THSD7A: variants seen among roughly 807,000 people sequenced by gnomAD.
THSD7A encodes the protein thrombospondin type 1 domain containing 7A, also known as thrombospondin type-1 domain-containing protein 7A.
In THSD7A, 96 loss-of-function variants were observed where a neutral mutation model predicts 231.3. The observed-to-expected ratio is 0.41, with a 90% CI of 0.35 to 0.49. The LOEUF (loss-of-function observed/expected upper bound fraction) is 0.49, where lower values mean the gene tolerates loss of function less well. THSD7A is among the 20% of genes least tolerant of loss of function. THSD7A has a pLI of 0.05. For synonymous variants in THSD7A, 940 were observed against 743.3 expected (o/e 1.26, Z -4.30); for missense variants, 2,290 against 2,070.2 (o/e 1.11, Z -2.06).
chr7:11,816,680 G>C (rs1784713304), intron 1 of THSD7A, among the ~76,000 whole-genome samples: 1 of 151,900 alleles, frequency 6.6e-6, no homozygotes, highest in South Asian at 2.1e-4. Flanking sequence ...ACATAAGCTT[G>C]GCACAAAACT....
At chr7:11,597,403 T>A (rs368988978) in intron 2 of THSD7A, among the ~76,000 whole-genome samples, 1 of 152,046 alleles carries the variant, frequency 6.6e-6, no homozygotes, top group South Asian at 2.1e-4. Flanking sequence ...CAGTTTTGAG[T>A]GGGGTCCAGA....
intron 2 of THSD7A, among the ~76,000 whole-genome samples, chr7:11,633,486 C>A (rs1212037393): frequency 1.3e-5 from 2 of 152,158 alleles, no homozygotes; most frequent in East Asian, 1.9e-4. Flanking sequence ...TTGACACAGA[C>A]CATGTCATGC....
chr7:11,429,228 A>C, intron 13 of THSD7A, 103 bp from the exon 14 acceptor site: 1 of 1,139,954 alleles, frequency 8.8e-7, no homozygotes, highest in East Asian at 2.6e-5. Context: ...CTGACTTGAC[A>C]GCAGCATGCA....
At chr7:11,670,073 G>C (rs1347888581) in intron 1 of THSD7A, among the ~76,000 whole-genome samples, 2 of 152,080 alleles carry the variant, frequency 1.3e-5, no homozygotes, top group Non-Finnish European at 2.9e-5. Context: ...CATTTAACAG[G>C]CGTGCAAAAA....
chr7:11,461,383 A>G (rs187613133), intron 10 of THSD7A, among the ~76,000 whole-genome samples: 4 of 152,320 alleles, frequency 2.6e-5, no homozygotes, highest in Non-Finnish European at 4.4e-5. Flanking sequence ...TCATTAATTG[A>G]TGCCATAATA....
chr7:11,787,003 C>A (rs796581172), intron 1 of THSD7A, among the ~76,000 whole-genome samples: 9 of 152,052 alleles, frequency 5.9e-5, no homozygotes, highest in African/African-American at 2.2e-4. Flanking sequence ...AAATTAGTTA[C>A]CAACATTTAA....
intron 6 of THSD7A, among the ~76,000 whole-genome samples, chr7:11,533,637 G>T (rs1217416449): frequency 6.6e-6 from 1 of 152,122 alleles, no homozygotes; most frequent in Admixed American, 6.6e-5. Flanking sequence ...AATAAACACA[G>T]GAAGATAAAA....
intron 1 of THSD7A, among the ~76,000 whole-genome samples, chr7:11,752,183 A>G (rs1782526275): frequency 6.6e-6 from 1 of 152,058 alleles, no homozygotes; most frequent in Admixed American, 6.6e-5. Context: ...CTCAGACCAC[A>G]TTCTCAGGAG....
intron 6 of THSD7A, among the ~76,000 whole-genome samples, chr7:11,504,501 G>C (rs1787465551): frequency 1.3e-5 from 2 of 151,948 alleles, no homozygotes; most frequent in African/African-American, 4.8e-5. Flanking sequence ...ATTTTAAAAA[G>C]AATAACTGTC....
rs1210806091 is a variant in THSD7A, at chr7:11,831,684, TA to T, written c.190+72del. On this transcript the variant is annotated intron_variant, in intron 1 of 27. Coordinates refer to ENST00000423059, the MANE Select transcript of THSD7A (RefSeq NM_015204.3). This position sits in a 1 kb window ranked among gnomAD's most constrained non-coding sequence, Gnocchi z 5.0. ...AGCCATCCAAAAGCACCGGGGTCCC[TA>T]CAGAAGCCCACCAGCTCCTTAATGT... The T allele has an allele frequency of 1.7e-6, 2 of 1,184,292 alleles. No homozygotes were observed. Among genetic ancestry groups the T allele is most frequent in the Non-Finnish European group, 2.2e-6 (2 of 920,442 alleles). 73.4% of individuals were successfully genotyped at this position (1,184,292 alleles called of 1,614,324 possible).
chr7:11,461,923 G>A, intron 10 of THSD7A, 88 bp downstream of exon 10: 1 of 1,495,454 alleles, frequency 6.7e-7, no homozygotes, highest in Non-Finnish European at 9.1e-7. Context: ...AAGGAACAGT[G>A]TTGACTTCCT....
intron 1 of THSD7A, among the ~76,000 whole-genome samples, chr7:11,770,613 C>T (rs1300109854): frequency 6.6e-6 from 1 of 152,174 alleles, no homozygotes; most frequent in Admixed American, 6.5e-5. Flanking sequence ...CTCTCTTCTA[C>T]TTCAAGGACT....
At chr7:11,674,663 G>A (rs974433942) in intron 1 of THSD7A, among the ~76,000 whole-genome samples, 13 of 152,066 alleles carry the variant, frequency 8.5e-5, no homozygotes, top group Admixed American at 7.2e-4. Flanking sequence ...ATACTCACAA[G>A]GGAGACAAGA....
intron 1 of THSD7A, among the ~76,000 whole-genome samples, chr7:11,733,756 G>C (rs566038522): frequency 2.6e-5 from 4 of 151,954 alleles, no homozygotes; most frequent in African/African-American, 9.6e-5. Flanking sequence ...CCGAAATTAA[G>C]GTCACAAACA....
rs1031687571 is a variant in THSD7A, at chr7:11,690,994, C to T, written c.191-54033G>A. Among the ~76,000 whole-genome samples the T allele has an allele frequency of 4.0e-5, 6 of 151,762 alleles. No individual in the cohort carries two copies. In the East Asian group the frequency reaches 1.2e-3, roughly 30 times the overall value. On this transcript the variant is annotated intron_variant, in intron 1 of 27. Coordinates refer to ENST00000423059, the MANE Select transcript of THSD7A (RefSeq NM_015204.3). ...TGCTCACTGTTTTTAAAAAAGGCAG[C>T]TGACATTTTCATCATATTTTTGGAA...
At chr7:11,382,924 TTATATA>T (rs140393382) in intron 23 of THSD7A, among the ~76,000 whole-genome samples, 32 of 147,458 alleles carry the variant, frequency 2.2e-4, no homozygotes, top group African/African-American at 7.4e-4. Flanking sequence ...ATATATATAG[TTATATA>T]TATATATATA....
chr7:11,704,304 A>G (rs1429662883), intron 1 of THSD7A, among the ~76,000 whole-genome samples: 1 of 151,116 alleles, frequency 6.6e-6, no homozygotes, highest in Non-Finnish European at 1.5e-5. Flanking sequence ...GATTTAAAAT[A>G]CTATTAAAAC....
chr7:11,451,980 T>A (rs550482051), intron 11 of THSD7A, among the ~76,000 whole-genome samples: 4 of 152,106 alleles, frequency 2.6e-5, no homozygotes, highest in East Asian at 1.9e-4. Context: ...AATGGGCACA[T>A]AGAAGTTCAT....
At chr7:11,539,986 G>C (rs1789074678) in intron 6 of THSD7A, among the ~76,000 whole-genome samples, 1 of 152,320 alleles carries the variant, frequency 6.6e-6, no homozygotes, top group East Asian at 1.9e-4. Context: ...CAGCAATTCA[G>C]AAGGTAACAG....
Sources: allele counts gnomAD v4.1 joint callset (sites outside exome capture counted in the v4.1 genomes callset), GRCh38; gene constraint gnomAD v4.1.1; non-coding constraint Gnocchi (gnomAD v3.1); transcripts MANE v1.5; gene names NCBI Gene and HGNC (gene_info 2026-07-23, HGNC 2026-07-21).